The following ARHGEF3 variants were observed in gnomAD, a reference collection of about 807,000 sequenced individuals.
The protein encoded by ARHGEF3 is Rho guanine nucleotide exchange factor 3.
A neutral mutation model predicts 63.2 loss-of-function variants in ARHGEF3; 28 were observed. The ratio of observed to expected loss-of-function variants is 0.44; its 90% CI spans 0.33 to 0.61. ARHGEF3 has a LOEUF of 0.61. ARHGEF3 is among the 20% of genes least tolerant of loss of function. The pLI, the probability that ARHGEF3 is intolerant of heterozygous loss-of-function variation, is 0.03. For missense variants in ARHGEF3, 533 were observed against 659.3 expected (o/e 0.81, Z 2.10); for synonymous variants, 266 against 254.2 (o/e 1.05, Z -0.44).
chr3:56,998,005 A>G (rs1702056632), intron 2 of ARHGEF3, among the ~76,000 whole-genome samples: 1 of 152,192 alleles, frequency 6.6e-6, no homozygotes, highest in Non-Finnish European at 1.5e-5. Context: ...ACAAGACTTA[A>G]TTAACTTTGA....
At chr3:56,981,382 GA>G (rs1453144003) in intron 2 of ARHGEF3, among the ~76,000 whole-genome samples, 1 of 152,182 alleles carries the variant, frequency 6.6e-6, no homozygotes, top group Non-Finnish European at 1.5e-5. Context: ...TTACCAGACT[GA>G]AAAGTTGGCA....
intron 4 of ARHGEF3, among the ~76,000 whole-genome samples, chr3:56,873,838 G>A (rs978981220): frequency 3.3e-5 from 5 of 152,178 alleles, no homozygotes; most frequent in African/African-American, 1.2e-4. Context: ...TAATTCTGGT[G>A]ATAAATCCCA....
chr3:56,999,073 A>G (rs1465292806), intron 2 of ARHGEF3, among the ~76,000 whole-genome samples: 1 of 152,196 alleles, frequency 6.6e-6, no homozygotes, highest in African/African-American at 2.4e-5. Flanking sequence ...GTTTTGAGAT[A>G]GAGTCTTGCT....
At chr3:56,842,555 G>C (rs2039347847) in intron 4 of ARHGEF3, among the ~76,000 whole-genome samples, 1 of 152,166 alleles carries the variant, frequency 6.6e-6, no homozygotes, top group Admixed American at 6.5e-5. Context: ...TAACTTCAAA[G>C]AAGAGTTTCT....
At chr3:57,070,971 C>CAAAAAAAAAAAA (rs1231328722) in intron 1 of ARHGEF3, among the ~76,000 whole-genome samples, 1 of 49,674 alleles carries the variant, frequency 2.0e-5, no homozygotes, top group Non-Finnish European at 4.5e-5. Context: ...GACTCTGTCA[C>CAAAAAAAAAAAA]AAAAAAAAAA....
At chr3:56,753,294 G>C (rs1054505808) in intron 4 of ARHGEF3, among the ~76,000 whole-genome samples, 4 of 152,158 alleles carry the variant, frequency 2.6e-5, no homozygotes, top group African/African-American at 4.8e-5. Context: ...ACATGCATTA[G>C]AGACATACAG....
chr3:57,013,952 G>T (rs527479986), intron 2 of ARHGEF3, among the ~76,000 whole-genome samples: 2 of 152,330 alleles, frequency 1.3e-5, no homozygotes, highest in Admixed American at 6.5e-5. Flanking sequence ...TCCACTCTGG[G>T]GAAGTTTTGT....
At chr3:57,058,341 T>C (rs1189126169) in intron 1 of ARHGEF3, among the ~76,000 whole-genome samples, 2 of 152,222 alleles carry the variant, frequency 1.3e-5, no homozygotes, top group African/African-American at 2.4e-5. Context: ...TTACATACAT[T>C]GGACAAAACT....
At chr3:56,894,953 C>T (rs902754295) in intron 3 of ARHGEF3, among the ~76,000 whole-genome samples, 7 of 152,226 alleles carry the variant, frequency 4.6e-5, no homozygotes, top group South Asian at 2.1e-4. Context: ...TACTTTCCCC[C>T]ATCCCTGCAG....
At chr3:57,012,378 C>T (rs1702739373) in intron 2 of ARHGEF3, among the ~76,000 whole-genome samples, 1 of 152,102 alleles carries the variant, frequency 6.6e-6, no homozygotes, top group Non-Finnish European at 1.5e-5. Flanking sequence ...CTTGCCTCAG[C>T]CTCCGGAGCA....
intron 4 of ARHGEF3, among the ~76,000 whole-genome samples, chr3:56,869,097 G>T (rs2040350188): frequency 1.3e-5 from 2 of 151,926 alleles, no homozygotes; most frequent in Admixed American, 6.6e-5. Context: ...TAGATTTATT[G>T]ATTTTAGTGC....
At chr3:57,074,123 G>A in intron 1 of ARHGEF3, 1 of 1,613,694 alleles carries the variant, frequency 6.2e-7, no homozygotes, top group African/African-American at 1.3e-5. Flanking sequence ...CCACAGGATG[G>A]TTGTGGAGAC....
chr3:56,799,770 T>C (rs2037548960), intron 1 of ARHGEF3, among the ~76,000 whole-genome samples: 1 of 152,198 alleles, frequency 6.6e-6, no homozygotes, highest in Non-Finnish European at 1.5e-5. Flanking sequence ...CCAATTTCCA[T>C]TATCAGGAAG....
At chr3:56,744,611 G>C (rs1196514035) in intron 7 of ARHGEF3, among the ~76,000 whole-genome samples, 1 of 145,730 alleles carries the variant, frequency 6.9e-6, no homozygotes, top group African/African-American at 2.5e-5. Flanking sequence ...TTGCTTTTTT[G>C]GCCAGGCTGG....
intron 3 of ARHGEF3, among the ~76,000 whole-genome samples, chr3:56,900,694 C>T (rs941731053): frequency 6.6e-6 from 1 of 152,182 alleles, no homozygotes; most frequent in African/African-American, 2.4e-5. Context: ...ACATTTTCTC[C>T]AGCTTTGTTA....
intron 7 of ARHGEF3, 140 bp from the exon 8 acceptor site, chr3:56,737,495 G>A (rs201639196): frequency 2.3e-3 from 1,066 of 470,272 alleles, no homozygotes; most frequent in South Asian, 6.3e-3. Flanking sequence ...TGGGAAAAGA[G>A]AAAAAAAAAA....
At chr3:56,893,828 AAAAAAAAAAAAAAAAAAAAAAAAAT>A in intron 3 of ARHGEF3, among the ~76,000 whole-genome samples, 1 of 20,704 alleles carries the variant, frequency 4.8e-5, no homozygotes, top group African/African-American at 1.9e-4. Flanking sequence ...AAAAAAAAAA[AAAAAAAAAAAAAAAAAAAAAAAAAT>A]CCACTGCCTT....
At chr3:57,064,065 G>A (rs894775101) in intron 1 of ARHGEF3, among the ~76,000 whole-genome samples, 9 of 152,128 alleles carry the variant, frequency 5.9e-5, no homozygotes, top group Non-Finnish European at 8.8e-5. Flanking sequence ...TCAGGGGCTC[G>A]AGACCAGCCT....
chr3:57,002,462 C>CTATATATATATATATATGTTATA (rs1165862414), intron 2 of ARHGEF3, among the ~76,000 whole-genome samples: 6 of 38,678 alleles, frequency 1.6e-4, no homozygotes, highest in African/African-American at 6.7e-4. Flanking sequence ...GTTCTAAGCA[C>CTATATATATATATATATGTTATA]TATATATATA....
Sources: allele counts gnomAD v4.1 joint callset (sites outside exome capture counted in the v4.1 genomes callset), GRCh38; gene constraint gnomAD v4.1.1; transcripts MANE v1.5; gene names NCBI Gene and HGNC (gene_info 2026-07-23, HGNC 2026-07-21).